Variants in PCDH9 observed in about 807,000 individuals in gnomAD.
The protein encoded by PCDH9 is protocadherin 9, also known as protocadherin-9.
In PCDH9, 24 loss-of-function variants were observed where a neutral mutation model predicts 70.6. The observed-to-expected ratio is 0.34, with a 90% CI of 0.25 to 0.48. PCDH9 has a LOEUF of 0.48. Ranked by LOEUF, PCDH9 falls within the 20% of genes least tolerant of loss-of-function variation. The pLI, the probability that PCDH9 is intolerant of heterozygous loss-of-function variation, is 0.99. For missense variants in PCDH9, 1,281 were observed against 1,503.6 expected (o/e 0.85, Z 2.45); for synonymous variants, 562 against 558.5 (o/e 1.01, Z -0.09).
At chr13:66,564,372 C>G (rs965805030) in intron 4 of PCDH9, among the ~76,000 whole-genome samples, 1 of 151,870 alleles carries the variant, frequency 6.6e-6, no homozygotes, top group African/African-American at 2.4e-5. Context: ...TACCTTTTTG[C>G]CCAGGCTGGT....
At chr13:66,514,304 A>G (rs1959626894) in intron 4 of PCDH9, among the ~76,000 whole-genome samples, 1 of 152,082 alleles carries the variant, frequency 6.6e-6, no homozygotes. Flanking sequence ...AGTTAGCCAT[A>G]CATATTGGGA....
At chr13:66,856,550 C>A (rs1024547752) in intron 3 of PCDH9, among the ~76,000 whole-genome samples, 1 of 152,014 alleles carries the variant, frequency 6.6e-6, no homozygotes, top group African/African-American at 2.4e-5. Flanking sequence ...TTTTCAGACA[C>A]AGGATATGTG....
Position 67,155,158 on chromosome 13 carries a change from T to C in PCDH9, c.3036+70247A>G, listed in dbSNP as rs373218918. Among the ~76,000 whole-genome samples the C allele has an allele frequency of 1.4e-4, 22 of 152,310 alleles. No homozygotes were observed. In the South Asian group the frequency reaches 4.6e-3, roughly 32 times the overall value. ...TCTCACCAATTTGCCCTTTTAAACT[T>C]ATATCAGTTATTTTTCAGAAGCAAA... On this transcript the variant is annotated intron_variant, in intron 2 of 4. Transcript: ENST00000377865.
chr13:66,505,691 TACTC>T lies in PCDH9; in HGVS notation c.3340+125515_3340+125518del, dbSNP rs1363415910. Among the ~76,000 whole-genome samples the T allele has an allele frequency of 9.2e-5, 14 of 152,236 alleles. No individual in the cohort carries two copies. The South Asian group carries it at 2.1e-3, about 23-fold the overall frequency. On this transcript the variant is annotated intron_variant, in intron 4 of 4. Coordinates refer to ENST00000377865, the MANE Select transcript of PCDH9 (RefSeq NM_203487.3). ...TAAAATCATCAGATCTCATGAGACT[TACTC>T]ACTATCACGAGAACAGCACAGGAAA...
chr13:66,731,346 AT>A (rs1374754329), intron 3 of PCDH9, among the ~76,000 whole-genome samples: 1 of 152,148 alleles, frequency 6.6e-6, no homozygotes, highest in Non-Finnish European at 1.5e-5. Context: ...TTGCATGAAT[AT>A]GGTTCTAATG....
intron 2 of PCDH9, among the ~76,000 whole-genome samples, chr13:67,109,265 C>T (rs2086608912): frequency 1.3e-5 from 2 of 152,162 alleles, no homozygotes. Flanking sequence ...ACTCTCCCCA[C>T]TTTATGTTCA....
chr13:67,079,396 T>C (rs1445127722), intron 2 of PCDH9, among the ~76,000 whole-genome samples: 1 of 152,124 alleles, frequency 6.6e-6, no homozygotes, highest in Non-Finnish European at 1.5e-5. Context: ...ACCTTCTTTT[T>C]CTCTTGCCCA....
At chr13:67,131,882 A>G (rs552141759) in intron 2 of PCDH9, among the ~76,000 whole-genome samples, 9 of 152,280 alleles carry the variant, frequency 5.9e-5, no homozygotes, top group African/African-American at 2.2e-4. Flanking sequence ...AGATGTTGTA[A>G]TGCCCTGCAT....
At chr13:66,698,151 T>A (rs2078589324) in intron 3 of PCDH9, among the ~76,000 whole-genome samples, 1 of 152,154 alleles carries the variant, frequency 6.6e-6, no homozygotes, top group African/African-American at 2.4e-5. Flanking sequence ...TATTGTTTAA[T>A]GGGTAGAGAG....
At chr13:66,616,484 C>CTTTTTTTTTTTTTTTTT (rs60587237) in intron 4 of PCDH9, among the ~76,000 whole-genome samples, 15 of 116,686 alleles carry the variant, frequency 1.3e-4, no homozygotes, top group East Asian at 2.6e-4. Flanking sequence ...TTCTAAAATT[C>CTTTTTTTTTTTTTTTTT]TTTTTTTTTT....
chr13:67,139,771 T>C, intron 2 of PCDH9, among the ~76,000 whole-genome samples: 1 of 152,176 alleles, frequency 6.6e-6, no homozygotes, highest in Non-Finnish European at 1.5e-5. Context: ...AATCTGACTC[T>C]GCATATGAAC....
chr13:66,377,824 C>CTG (rs1239789676), intron 4 of PCDH9, among the ~76,000 whole-genome samples: 1 of 152,144 alleles, frequency 6.6e-6, no homozygotes, highest in Non-Finnish European at 1.5e-5. Context: ...GCTGTCAACC[C>CTG]TGTGTTATCT....
At chr13:67,105,084 G>A (rs1471268577) in intron 2 of PCDH9, among the ~76,000 whole-genome samples, 5 of 151,896 alleles carry the variant, frequency 3.3e-5, no homozygotes, top group Non-Finnish European at 7.4e-5. Context: ...CTTTCAAGAT[G>A]GACACTTCTT....
At chr13:66,904,486 C>T (rs1001165133) in intron 2 of PCDH9, among the ~76,000 whole-genome samples, 2 of 151,972 alleles carry the variant, frequency 1.3e-5, no homozygotes, top group South Asian at 4.1e-4. Flanking sequence ...AAGGTTTCTA[C>T]TTTGATAAAA....
rs368588754 is a variant in PCDH9, at chr13:66,328,429, A to G, written c.3341-23401T>C. On this transcript the variant is annotated intron_variant, in intron 4 of 4. Coordinates refer to ENST00000377865, the MANE Select transcript of PCDH9 (RefSeq NM_203487.3). ...TATCATTTATTGCAAAGGATACAAT[A>G]GTTAAGGTGGGTATTAGCATATTAT... Among the ~76,000 whole-genome samples the G allele has an allele frequency of 2.0e-5, 3 of 152,248 alleles. No homozygotes were observed. The East Asian group carries it at 5.8e-4, about 29-fold the overall frequency.
In PCDH9 at chr13:66,633,546, T is replaced by C. The variant is rs556612783; in HGVS notation, c.3139-2135A>G. On this transcript the variant is annotated intron_variant, in intron 3 of 4. Transcript: ENST00000377865. ...AAGACTGTACTAGGAACCACAGTGC[T>C]TATTATGGATGACTGTCAAACATAG... is the stretch of plus-strand genomic sequence containing the variant. Among the ~76,000 whole-genome samples, 3 of 152,274 alleles carry C rather than the reference T, an allele frequency of 2.0e-5. No homozygotes were observed. In the South Asian group the frequency reaches 6.2e-4, roughly 32 times the overall value.
At chr13:67,201,773 C>A (rs939394629) in intron 2 of PCDH9, 2 of 151,838 alleles carry the variant, frequency 1.3e-5, no homozygotes, top group Non-Finnish European at 2.9e-5. Flanking sequence ...CCCTATAATT[C>A]TTTAATAATA....
At chr13:67,073,050 T>C (rs747059119) in intron 2 of PCDH9, among the ~76,000 whole-genome samples, 13 of 152,198 alleles carry the variant, frequency 8.5e-5, no homozygotes, top group Non-Finnish European at 1.6e-4. Flanking sequence ...ACATGTTCAA[T>C]TGATTCGCTG....
chr13:66,591,574 A>C (rs2077040231), intron 4 of PCDH9, among the ~76,000 whole-genome samples: 1 of 151,686 alleles, frequency 6.6e-6, no homozygotes, highest in East Asian at 1.9e-4. Context: ...GAAATCAATT[A>C]GCATGTAACA....
Sources: gnomAD v4.1 joint callset for allele counts (sites outside exome capture counted in the v4.1 genomes callset) on GRCh38, gnomAD v4.1.1 for gene constraint, MANE v1.5 for transcripts, NCBI Gene and HGNC (gene_info 2026-07-23, HGNC 2026-07-21) for gene names.